TMEM18: variants seen among roughly 807,000 people sequenced by gnomAD.
TMEM18 encodes the protein transmembrane protein 18.
A neutral mutation model predicts 17.4 loss-of-function variants in TMEM18; 14 were observed. The observed-to-expected ratio is 0.80, with a 90% confidence interval of 0.53 to 1.25. TMEM18 has a LOEUF of 1.25. Ranked by LOEUF, TMEM18 falls within the 50% of genes most tolerant of loss-of-function variation. The pLI is 0.00. For synonymous variants in TMEM18, 86 were observed against 66.1 expected, an observed-to-expected ratio of 1.30 and a Z score of -1.46; for missense variants, 187 against 172.1, an observed-to-expected ratio of 1.09 and a Z score of -0.48.
At chr2:671,309 G>C (rs1678842696) in intron 3 of TMEM18, among the ~76,000 whole-genome samples, 2 of 152,222 alleles carry the variant, frequency 1.3e-5, no homozygotes, top group African/African-American at 2.4e-5. Context: ...GGATGACCCT[G>C]TGCCAGCCTC....
chr2:675,679 G>A (rs1242672724), intron 1 of TMEM18, 49 bp from the exon 2 acceptor site: 1 of 1,604,744 alleles, frequency 6.2e-7, no homozygotes, highest in African/African-American at 1.3e-5. Context: ...CTCAAGGCCG[G>A]GTTCACGGCC....
rs780548036 is a variant in TMEM18, at chr2:677,354, G to C, written c.-9C>G. ...GAGAAGGCGGACGGCATGGTGTTGG[G>C]AAGCCCGCTCTCACAGCAACCGCCG... is the stretch of plus-strand genomic sequence containing the variant. On this transcript the variant is annotated 5_prime_UTR_variant, in exon 1 of 5. Coordinates refer to ENST00000281017, the MANE Select transcript of TMEM18 (RefSeq NM_152834.4). 3 of 1,611,304 alleles carry C rather than the reference G, an allele frequency of 1.9e-6. No homozygotes were observed. The highest frequency in any genetic ancestry group is 2.2e-5 in the South Asian group (2 of 90,468).
rs1242912396 is a variant in TMEM18, at chr2:669,856, T to TA, written c.234-7dup. Reference sequence around the variant, plus strand: ...ACTGGTATTTCGAAAATAATCTGTTTAAAAAACAAAAACAAAAAATTACTA... The same window carrying TA: ...ACTGGTATTTCGAAAATAATCTGTTTAAAAAAACAAAAACAAAAAATTACTA... On this transcript the variant is annotated splice_polypyrimidine_tract_variant and splice_region_variant and intron_variant, in intron 3 of 4. Transcript: ENST00000281017. 6.2e-7 allele frequency: 1 copy of TA among 1,605,386 alleles called. No homozygotes were observed. Among genetic ancestry groups the TA allele is most frequent in the Non-Finnish European group, 8.5e-7 (1 of 1,176,966 alleles).
rs1470170500 is a variant in TMEM18 at position 665,620 on chromosome 2, G to GTAC, written c.*3959_*3960insGTA. On this transcript the variant is annotated 3_prime_UTR_variant, in exon 5 of 5. Coordinates refer to ENST00000281017, the MANE Select transcript of TMEM18 (RefSeq NM_152834.4). Reference sequence around the variant, plus strand: ...TAAAATAGAACCCAGAGATGCAGATGCACCACTCACTCAGAGCAACAACCC... The same window carrying GTAC: ...TAAAATAGAACCCAGAGATGCAGATGTACCACCACTCACTCAGAGCAACAACCC... 2.7e-5 allele frequency among the ~76,000 whole-genome samples: 4 copies of GTAC among 148,396 alleles called. No individual in the cohort carries two copies. The highest frequency in any genetic ancestry group is 6.7e-5 in the Admixed American group (1 of 14,858).
chr2:673,733 G>GGGA (rs1220079951), intron 2 of TMEM18, among the ~76,000 whole-genome samples: 16 of 149,106 alleles, frequency 1.1e-4, no homozygotes, highest in East Asian at 2.0e-4. Flanking sequence ...GGGGAGGGGA[G>GGGA]GGAGGAGGAG....
At chr2:675,953 G>C in intron 1 of TMEM18, 1 of 1,355,124 alleles carries the variant, frequency 7.4e-7, no homozygotes, top group Non-Finnish European at 9.7e-7. Context: ...TTTTAAGGTG[G>C]GTATAATTAA....
intron 3 of TMEM18, among the ~76,000 whole-genome samples, chr2:671,265 C>T (rs1045151778): frequency 2.0e-5 from 3 of 152,186 alleles, no homozygotes; most frequent in African/African-American, 7.2e-5. Context: ...AAAGGTGCTG[C>T]ACCCTGGAGC....
At chr2:672,020 C>T (rs1572411155) in intron 3 of TMEM18, among the ~76,000 whole-genome samples, 1 of 151,884 alleles carries the variant, frequency 6.6e-6, no homozygotes, top group South Asian at 2.1e-4. Context: ...GGGGAGGGTT[C>T]GGGAAACCAG....
chr2:670,276 CA>C (rs1678807419), intron 3 of TMEM18: 1 of 173,106 alleles, frequency 5.8e-6, no homozygotes, highest in Admixed American at 6.0e-5. Flanking sequence ...GTCTGCTCCA[CA>C]GCTGCACTGG....
intron 2 of TMEM18, among the ~76,000 whole-genome samples, chr2:673,069 A>G (rs58974014): frequency 0.014 from 2,088 of 152,304 alleles, 52 homozygotes; most frequent in African/African-American, 0.048. Context: ...CAGTTCTCCA[A>G]TGCTCTATGG....
intron 1 of TMEM18, chr2:676,159 C>A: frequency 7.5e-7 from 1 of 1,333,986 alleles, no homozygotes; most frequent in Non-Finnish European, 9.9e-7. Flanking sequence ...TGATTTTCTC[C>A]AACCTCTCTG....
intron 1 of TMEM18, chr2:676,902 G>A: frequency 1.7e-6 from 1 of 574,400 alleles, no homozygotes; most frequent in Non-Finnish European, 3.1e-6. Flanking sequence ...ACTCAGCCAC[G>A]CCCGCACGGT....
rs557631843 is a variant in TMEM18 at position 671,883 on chromosome 2, T to C, written c.233+925A>G. Among the ~76,000 whole-genome samples, 265 of 151,380 alleles carry C rather than the reference T, an allele frequency of 1.8e-3. 10 individuals carry two copies. The highest frequency in any genetic ancestry group is 6.1e-3 in the African/African-American group (248 of 40,900). Reference sequence around the variant, plus strand: ...CCTGCATCCGGGAGGAGAGGCAGGGTCCCCAGTGAGCCGCTTATGGCTAAA... The same window carrying C: ...CCTGCATCCGGGAGGAGAGGCAGGGCCCCCAGTGAGCCGCTTATGGCTAAA... On this transcript the variant is annotated intron_variant, in intron 3 of 4. Coordinates refer to ENST00000281017, the MANE Select transcript of TMEM18 (RefSeq NM_152834.4).
At chr2:675,438 A>G in intron 2 of TMEM18, 72 bp downstream of exon 2, 1 of 1,602,464 alleles carries the variant, frequency 6.2e-7, no homozygotes, top group Admixed American at 1.7e-5. Context: ...TATTTCGAAG[A>G]CACAGACAGA....
intron 2 of TMEM18, among the ~76,000 whole-genome samples, chr2:674,650 T>C (rs932225793): frequency 6.6e-6 from 1 of 152,208 alleles, no homozygotes; most frequent in African/African-American, 2.4e-5. Flanking sequence ...CAAACCCTCA[T>C]CACTTCTCCA....
rs562802463 is a variant in TMEM18 at position 669,224 on chromosome 2, TTTA to T, written c.*353_*355del. 5.4e-4 allele frequency: 108 copies of T among 199,946 alleles called. 2 individuals carry two copies. The Middle Eastern group carries it at 8.5e-3, about 16-fold the overall frequency. The allele number at this position is 199,946 out of a possible 1,614,324, so 12.4% of individuals were successfully genotyped here. A position where few individuals can be genotyped will look rare whatever the true frequency, so the allele number is the denominator to read the frequency against. On this transcript the variant is annotated 3_prime_UTR_variant, in exon 5 of 5. Coordinates refer to ENST00000281017, the MANE Select transcript of TMEM18 (RefSeq NM_152834.4). ...TGGTGCCCATGTACAGGTGGCACTG[TTTA>T]TTATTGAGTTTCATATTTTATATTG...
At chr2:672,290 G>A (rs1678869179) in intron 3 of TMEM18, among the ~76,000 whole-genome samples, 1 of 152,188 alleles carries the variant, frequency 6.6e-6, no homozygotes, top group Non-Finnish European at 1.5e-5. Context: ...TGGGTTCCGA[G>A]TCCCCTGGGA....
At chr2:676,957 G>A (rs999821011) in intron 1 of TMEM18, among the ~76,000 whole-genome samples, 9 of 151,858 alleles carry the variant, frequency 5.9e-5, no homozygotes, top group Admixed American at 5.9e-4. Context: ...GAGCGCCGGA[G>A]CCAGCTCACT....
At chr2:672,084 G>A (rs1234699667) in intron 3 of TMEM18, among the ~76,000 whole-genome samples, 2 of 152,190 alleles carry the variant, frequency 1.3e-5, no homozygotes, top group Admixed American at 1.3e-4. Flanking sequence ...TTTCGGTGAG[G>A]GCCCAAGATC....
Sources: gnomAD v4.1 joint callset for allele counts (sites outside exome capture counted in the v4.1 genomes callset) on GRCh38, gnomAD v4.1.1 for gene constraint, MANE v1.5 for transcripts, NCBI Gene and HGNC (gene_info 2026-07-23, HGNC 2026-07-21) for gene names.